PARD3: variants seen among roughly 807,000 people sequenced by gnomAD.
The protein encoded by PARD3 is partitioning defective 3 homolog.
In PARD3, 75 loss-of-function variants were observed where a neutral mutation model predicts 155.4. The ratio of observed to expected loss-of-function variants is 0.48; its 90% confidence interval spans 0.40 to 0.58. The LOEUF is 0.58. Ranked by LOEUF, PARD3 falls within the 20% of genes least tolerant of loss-of-function variation. The probability of loss-of-function intolerance (pLI) is 0.00; values close to 1 mark genes in which losing one functional copy is unlikely to be tolerated. For missense variants in PARD3, 1,642 were observed against 1,721.7 expected, an observed-to-expected ratio of 0.95 and a Z score of 0.82; for synonymous variants, 576 against 610.5, an observed-to-expected ratio of 0.94 and a Z score of 0.83.
chr10:34,209,553 G>C (rs1951641302), intron 22 of PARD3, among the ~76,000 whole-genome samples: 1 of 152,150 alleles, frequency 6.6e-6, no homozygotes, highest in African/African-American at 2.4e-5. Flanking sequence ...TTTATAAATG[G>C]AGAAAAATAT....
intron 21 of PARD3, among the ~76,000 whole-genome samples, chr10:34,277,450 A>G (rs1291695385): frequency 1.3e-5 from 2 of 152,156 alleles, no homozygotes; most frequent in African/African-American, 4.8e-5. Context: ...ATACTATTCC[A>G]CTAAATTTCT....
intron 14 of PARD3, among the ~76,000 whole-genome samples, chr10:34,349,954 A>G (rs1194628118): frequency 1.3e-5 from 2 of 152,240 alleles, no homozygotes; most frequent in East Asian, 3.8e-4. Context: ...AGAGAAAAAC[A>G]GTAAGACGTC....
chr10:34,508,511 T>C (rs1400144454), intron 3 of PARD3, among the ~76,000 whole-genome samples: 4 of 152,016 alleles, frequency 2.6e-5, no homozygotes, highest in African/African-American at 9.7e-5. Flanking sequence ...CTCAAATATC[T>C]GACTTCTACA....
chr10:34,711,636 T>C (rs559952058), intron 1 of PARD3, among the ~76,000 whole-genome samples: 1 of 152,144 alleles, frequency 6.6e-6, no homozygotes, highest in South Asian at 2.1e-4. Flanking sequence ...CATCTTCAGC[T>C]TTTTTTAGCA....
rs114087754 is a variant in PARD3 at position 34,481,706 on chromosome 10, A to T, written c.404-11443T>A. 3.9e-3 allele frequency among the ~76,000 whole-genome samples: 598 copies of T among 152,292 alleles called. 3 individuals are homozygous for T. Among genetic ancestry groups the T allele is most frequent in the African/African-American group, 0.014 (563 of 41,554 alleles). On this transcript the variant is annotated intron_variant, in intron 3 of 24. Coordinates refer to ENST00000374788, the MANE Select transcript of PARD3 (RefSeq NM_001184785.2). ...TACTTCAACCAATACATATTTGATT[A>T]GCATCTAACTAGACATCATTATCCT...
intron 22 of PARD3, among the ~76,000 whole-genome samples, chr10:34,214,888 A>G (rs1951927771): frequency 1.3e-5 from 2 of 152,180 alleles, no homozygotes; most frequent in Admixed American, 6.5e-5. Context: ...CCTTGAAAAA[A>G]AATCTAAAAT....
intron 2 of PARD3, among the ~76,000 whole-genome samples, chr10:34,596,490 A>T (rs1215869269): frequency 6.6e-6 from 1 of 152,144 alleles, no homozygotes; most frequent in Non-Finnish European, 1.5e-5. Flanking sequence ...CACCAGAGAG[A>T]ATTAGTGCAG....
chr10:34,469,113 C>T (rs2078187959), intron 4 of PARD3, among the ~76,000 whole-genome samples: 2 of 152,112 alleles, frequency 1.3e-5, no homozygotes, highest in South Asian at 4.1e-4. Context: ...AGAGCATCAA[C>T]ATTTTTTTAG....
intron 1 of PARD3, among the ~76,000 whole-genome samples, chr10:34,744,661 T>G (rs1437676831): frequency 6.6e-6 from 1 of 152,184 alleles, no homozygotes; most frequent in Admixed American, 6.5e-5. Flanking sequence ...GGAACAGAGG[T>G]GAGACTACAG....
At chr10:34,135,502 G>A (rs771148487) in intron 22 of PARD3, among the ~76,000 whole-genome samples, 1 of 152,196 alleles carries the variant, frequency 6.6e-6, no homozygotes, top group African/African-American at 2.4e-5. Flanking sequence ...TACGGGGATT[G>A]CAGTCTTTGA....
chr10:34,212,589 A>C (rs1455647862), intron 22 of PARD3, among the ~76,000 whole-genome samples: 1 of 152,030 alleles, frequency 6.6e-6, no homozygotes, highest in Non-Finnish European at 1.5e-5. Flanking sequence ...CAAGGCAGAC[A>C]AGACCAGGAC....
intron 1 of PARD3, among the ~76,000 whole-genome samples, chr10:34,800,940 C>T (rs755242189): frequency 1.3e-5 from 2 of 152,198 alleles, no homozygotes; most frequent in Non-Finnish European, 1.5e-5. Context: ...CACTTCTCAT[C>T]GGTAAAGAAA....
intron 1 of PARD3, among the ~76,000 whole-genome samples, chr10:34,714,039 C>T (rs1488574815): frequency 1.3e-5 from 2 of 152,174 alleles, no homozygotes; most frequent in African/African-American, 4.8e-5. Context: ...CTCCTGTTTA[C>T]TTCTCCCTAG....
At chr10:34,264,747 A>ATT (rs71523323) in intron 22 of PARD3, among the ~76,000 whole-genome samples, 4 of 145,282 alleles carry the variant, frequency 2.8e-5, no homozygotes, top group East Asian at 4.1e-4. Context: ...AAAAACTGGG[A>ATT]TTTTTTTTTT....
chr10:34,499,070 C>T (rs2080487477), intron 3 of PARD3, among the ~76,000 whole-genome samples: 1 of 152,104 alleles, frequency 6.6e-6, no homozygotes, highest in Admixed American at 6.5e-5. Context: ...AGCCAAGTTC[C>T]TGAGAATAAA....
At chr10:34,404,307 A>G (rs1238008648) in intron 5 of PARD3, among the ~76,000 whole-genome samples, 2 of 152,196 alleles carry the variant, frequency 1.3e-5, no homozygotes, top group Non-Finnish European at 2.9e-5. Context: ...AGAACTATAC[A>G]CTGAATTCCA....
intron 22 of PARD3, among the ~76,000 whole-genome samples, chr10:34,199,364 T>C (rs1041040909): frequency 1.3e-5 from 2 of 152,164 alleles, no homozygotes; most frequent in African/African-American, 4.8e-5. Flanking sequence ...TGGACCCAGT[T>C]TGGTTCGGTG....
chr10:34,316,700 T>C (rs1958027375), intron 20 of PARD3, among the ~76,000 whole-genome samples: 1 of 152,334 alleles, frequency 6.6e-6, no homozygotes, highest in South Asian at 2.1e-4. Flanking sequence ...ATAACTAAGA[T>C]ACAGACATGT....
chr10:34,446,633 C>T (rs754528479), intron 5 of PARD3, among the ~76,000 whole-genome samples: 4 of 152,120 alleles, frequency 2.6e-5, no homozygotes, highest in Non-Finnish European at 4.4e-5. Flanking sequence ...GTTTAAAAAT[C>T]CGAATTATGT....
Sources: gnomAD v4.1 joint callset for allele counts (sites outside exome capture counted in the v4.1 genomes callset) on GRCh38, gnomAD v4.1.1 for gene constraint, MANE v1.5 for transcripts, NCBI Gene and HGNC (gene_info 2026-07-23, HGNC 2026-07-21) for gene names.